Variants in MEF2A observed in about 807,000 individuals in gnomAD.
MEF2A encodes myocyte enhancer factor 2A, also known as myocyte-specific enhancer factor 2A.
Under a neutral mutation model 55.8 loss-of-function variants are expected in MEF2A, and 28 were observed. The ratio of observed to expected loss-of-function variants is 0.50; its 90% CI spans 0.37 to 0.69. The LOEUF (loss-of-function observed/expected upper bound fraction) is 0.69. MEF2A is among the 30% of genes least tolerant of loss of function. MEF2A has a pLI of 0.00. For synonymous variants in MEF2A, 239 were observed against 227.1 expected, an observed-to-expected ratio of 1.05 and a Z score of -0.47; for missense variants, 528 against 626.2, an observed-to-expected ratio of 0.84 and a Z score of 1.67.
intron 4 of MEF2A, among the ~76,000 whole-genome samples, chr15:99,667,356 G>A (rs963429349): frequency 1.3e-5 from 2 of 152,082 alleles, no homozygotes; most frequent in African/African-American, 4.8e-5. Flanking sequence ...GAGTAGCTGG[G>A]ACTACAGGTG....
At chr15:99,669,747 T>C (rs1358336706) in intron 4 of MEF2A, among the ~76,000 whole-genome samples, 1 of 152,204 alleles carries the variant, frequency 6.6e-6, no homozygotes, top group Admixed American at 6.5e-5. Flanking sequence ...ATCAAAAAAA[T>C]TCTTGAATCT....
intron 2 of MEF2A, among the ~76,000 whole-genome samples, chr15:99,622,707 T>TTTTTTTTC (rs1200956317): frequency 2.1e-5 from 3 of 144,040 alleles, no homozygotes; most frequent in Non-Finnish European, 4.6e-5. Flanking sequence ...CTTTTCTTTT[T>TTTTTTTTC]TTTTTTCTTT....
chr15:99,688,467 T>A (rs1015822778), intron 7 of MEF2A, among the ~76,000 whole-genome samples: 1 of 152,186 alleles, frequency 6.6e-6, no homozygotes, highest in Admixed American at 6.5e-5. Context: ...AATGACTTAA[T>A]AAAATGCTGG....
chr15:99,592,998 T>C (rs1969869296), intron 1 of MEF2A, among the ~76,000 whole-genome samples: 1 of 152,188 alleles, frequency 6.6e-6, no homozygotes, highest in African/African-American at 2.4e-5. Context: ...ATTATGAGTG[T>C]ATTGGGTGGT....
At chr15:99,627,892 AG>A (rs1248821228) in intron 2 of MEF2A, among the ~76,000 whole-genome samples, 1 of 152,228 alleles carries the variant, frequency 6.6e-6, no homozygotes, top group Non-Finnish European at 1.5e-5. Flanking sequence ...CTGCATATGA[AG>A]TCATGTAGTA....
chr15:99,587,633 A>G (rs533127136), intron 1 of MEF2A, among the ~76,000 whole-genome samples: 1 of 152,264 alleles, frequency 6.6e-6, no homozygotes, highest in African/African-American at 2.4e-5. Flanking sequence ...AGTATTTTCT[A>G]GTATTCAGAA....
intron 3 of MEF2A, among the ~76,000 whole-genome samples, chr15:99,636,412 T>TCATAGGTCGCAC (rs928492237): frequency 6.6e-6 from 1 of 152,182 alleles, no homozygotes; most frequent in African/African-American, 2.4e-5. Context: ...AGTGGTGCGA[T>TCATAGGTCGCAC]CATAGGTCAC....
chr15:99,671,252 TAATA>T (rs2050810787), intron 4 of MEF2A, 67 bp from the exon 5 acceptor site: 75 of 1,536,318 alleles, frequency 4.9e-5, no homozygotes, highest in Non-Finnish European at 6.2e-5. Context: ...TGTGCTCTCT[TAATA>T]AATTTTACAG....
chr15:99,602,587 T>G (rs1973466013), intron 2 of MEF2A, among the ~76,000 whole-genome samples: 1 of 151,766 alleles, frequency 6.6e-6, no homozygotes, highest in Non-Finnish European at 1.5e-5. Flanking sequence ...CGCGACCAAT[T>G]ATCATTTTAG....
At chr15:99,695,023 C>G (rs137987984) in intron 8 of MEF2A, among the ~76,000 whole-genome samples, 1 of 150,304 alleles carries the variant, frequency 6.7e-6, no homozygotes, top group Non-Finnish European at 1.5e-5. Context: ...TTTTATTTTC[C>G]GGCACTATAA....
chr15:99,629,887 C>T (rs1196751625), intron 2 of MEF2A, among the ~76,000 whole-genome samples: 2 of 151,928 alleles, frequency 1.3e-5, no homozygotes. Context: ...TTGCAGTGAG[C>T]CGAGATCACG....
chr15:99,712,820 C>G lies in MEF2A; in HGVS notation c.*49C>G, dbSNP rs1294014861. The G allele has an allele frequency of 1.3e-6, 2 of 1,520,988 alleles. No homozygotes were observed. The highest frequency in any genetic ancestry group is 4.1e-5 in the Admixed American group (2 of 48,818). The allele number at this position is 1,520,988 out of a possible 1,614,324, so 94.2% of individuals were successfully genotyped here. The stretch of plus-strand genomic sequence containing the variant: ...TTTTGTGTTACTGCAGTGACCTGCC[C>G]TACATATCTAAATCGGTAAATAAGG... On this transcript the variant is annotated 3_prime_UTR_variant, in exon 12 of 12. Transcript: ENST00000557942. This position sits in a 1 kb window ranked among gnomAD's most constrained non-coding sequence, Gnocchi z 4.1.
At chr15:99,685,794 G>A (rs2054102410) in intron 7 of MEF2A, among the ~76,000 whole-genome samples, 1 of 152,062 alleles carries the variant, frequency 6.6e-6, no homozygotes, top group African/African-American at 2.4e-5. Flanking sequence ...ATCCTTTCCT[G>A]GTTTTGGTAT....
intron 3 of MEF2A, among the ~76,000 whole-genome samples, chr15:99,634,597 G>A (rs914676183): frequency 2.0e-5 from 3 of 152,176 alleles, no homozygotes; most frequent in African/African-American, 7.2e-5. Context: ...ATAGATAGTC[G>A]TGTTTAAATT....
At chr15:99,706,103 C>T (rs1443322634) in intron 9 of MEF2A, among the ~76,000 whole-genome samples, 1 of 152,184 alleles carries the variant, frequency 6.6e-6, no homozygotes, top group Non-Finnish European at 1.5e-5. Context: ...CTTCCACTGC[C>T]CTGTCGGCAG....
At chr15:99,595,745 G>A (rs1027905099) in intron 1 of MEF2A, among the ~76,000 whole-genome samples, 10 of 152,164 alleles carry the variant, frequency 6.6e-5, no homozygotes, top group Admixed American at 3.3e-4. Flanking sequence ...TGAAGATGGC[G>A]TCACAGAACG....
intron 2 of MEF2A, among the ~76,000 whole-genome samples, chr15:99,631,558 T>C (rs2042945640): frequency 1.3e-5 from 2 of 152,218 alleles, no homozygotes; most frequent in Admixed American, 6.5e-5. Flanking sequence ...CTTTCTAGTT[T>C]GGAATTATGC....
intron 5 of MEF2A, 101 bp from the exon 6 acceptor site, chr15:99,674,292 C>T: frequency 2.8e-6 from 3 of 1,058,036 alleles, no homozygotes; most frequent in Non-Finnish European, 4.1e-6. Context: ...CTATCCTCTA[C>T]TTTTAGTAAC....
chr15:99,689,339 CTAGTTCACTACTCAGAACTTAGTGGT>C (rs1462894709), intron 7 of MEF2A, among the ~76,000 whole-genome samples: 1 of 152,186 alleles, frequency 6.6e-6, no homozygotes, highest in East Asian at 1.9e-4. Context: ...GCTCTGATAC[CTAGTTCACTACTCAGAACTTAGTGGT>C]AGCAGTGCCT....
Sources: gnomAD v4.1 joint callset for allele counts (sites outside exome capture counted in the v4.1 genomes callset) on GRCh38, gnomAD v4.1.1 for gene constraint, Gnocchi (gnomAD v3.1) non-coding constraint, MANE v1.5 for transcripts, NCBI Gene and HGNC (gene_info 2026-07-23, HGNC 2026-07-21) for gene names.